Variants in SPEN observed in about 807,000 individuals in gnomAD.
SPEN encodes the protein msx2-interacting protein.
Under a neutral mutation model 269.9 loss-of-function variants are expected in SPEN, and 18 were observed. The ratio of observed to expected loss-of-function variants is 0.07; its 90% CI spans 0.05 to 0.10. The LOEUF (loss-of-function observed/expected upper bound fraction) is 0.10, where lower values mean the gene tolerates loss of function less well. SPEN is among the 10% of genes least tolerant of loss of function. The probability of loss-of-function intolerance (pLI) is 1.00; values close to 1 mark genes in which losing one functional copy is unlikely to be tolerated. For synonymous variants in SPEN, 1,726 were observed against 1,765.7 expected, an observed-to-expected ratio of 0.98 and a Z score of 0.56; for missense variants, 3,822 against 4,631.2, an observed-to-expected ratio of 0.83 and a Z score of 5.07.
chr1:15,870,505 T>C (rs2070562324), intron 1 of SPEN, among the ~76,000 whole-genome samples: 1 of 152,200 alleles, frequency 6.6e-6, no homozygotes, highest in Admixed American at 6.5e-5. Context: ...CTCTAGAAAT[T>C]AACTGGGCAA....
At chr1:15,892,539 A>G (rs1421738284) in intron 3 of SPEN, among the ~76,000 whole-genome samples, 3 of 152,134 alleles carry the variant, frequency 2.0e-5, no homozygotes, top group Non-Finnish European at 4.4e-5. Context: ...TTCTCTTGGA[A>G]ATGATGGGTT....
intron 6 of SPEN, among the ~76,000 whole-genome samples, chr1:15,917,090 T>C (rs1430495730): frequency 6.6e-6 from 1 of 152,160 alleles, no homozygotes; most frequent in Non-Finnish European, 1.5e-5. Context: ...ATCACGCCAC[T>C]GTACTCCAGC....
chr1:15,891,919 CTT>C (rs977637418), intron 3 of SPEN, among the ~76,000 whole-genome samples: 1 of 143,606 alleles, frequency 7.0e-6, no homozygotes, highest in African/African-American at 2.6e-5. Flanking sequence ...AAAAAAAAAA[CTT>C]ATTTATGTTG....
intron 10 of SPEN, among the ~76,000 whole-genome samples, chr1:15,925,687 A>G (rs960743782): frequency 8.6e-5 from 13 of 151,114 alleles, no homozygotes; most frequent in Non-Finnish European, 5.9e-5. Flanking sequence ...AAGTGCTAGG[A>G]TTACAAGCCT....
chr1:15,910,145 A>C (rs1031207464), intron 4 of SPEN, among the ~76,000 whole-genome samples: 8 of 151,280 alleles, frequency 5.3e-5, no homozygotes, highest in East Asian at 1.9e-4. Context: ...AAAAAAAAAA[A>C]AAAAAATTAT....
At chr1:15,888,419 G>A (rs983751532) in intron 3 of SPEN, among the ~76,000 whole-genome samples, 1 of 151,912 alleles carries the variant, frequency 6.6e-6, no homozygotes, top group Non-Finnish European at 1.5e-5. Flanking sequence ...CACCTCCCAG[G>A]TTCAAGTGGT....
chr1:15,888,464 C>T (rs2070756777), intron 3 of SPEN, among the ~76,000 whole-genome samples: 1 of 151,918 alleles, frequency 6.6e-6, no homozygotes, highest in South Asian at 2.1e-4. Context: ...GCTGGGATTA[C>T]AGGCACACGT....
chr1:15,868,320 T>C (rs1411619261), intron 1 of SPEN, among the ~76,000 whole-genome samples: 3 of 151,696 alleles, frequency 2.0e-5, no homozygotes, highest in Non-Finnish European at 2.9e-5. Flanking sequence ...TTTTAGAAAA[T>C]TGGATTGTGC....
Position 15,934,053 on chromosome 1 carries a change from G to A in SPEN, c.7813G>A (p.Ala2605Thr). 1 of 1,611,216 alleles carries A rather than the reference G, an allele frequency of 6.2e-7. No homozygotes were observed. Among genetic ancestry groups the A allele is most frequent in the Non-Finnish European group, 8.5e-7 (1 of 1,177,908 alleles). The change falls in exon 11 of 15, where the codon GCT (alanine) becomes ACT (threonine). Residue 2605 changes from alanine to threonine, a missense_variant. This residue lies in a region of SPEN where 329 missense variants were observed against 431.2 expected (regional missense o/e 0.76). Coordinates refer to ENST00000375759, the MANE Select transcript of SPEN (RefSeq NM_015001.3). This position sits in a 1 kb window ranked among gnomAD's most constrained non-coding sequence, Gnocchi z 9.2. ...ACAAGCCTCGGAGGTGCTGGTAGCT[G>A]CTGACAAGGAAAAGGTGGCTCCAGT... is the stretch of plus-strand genomic sequence containing the variant. ...EIQASEVLVAADKEKVAPVIA... is the reference protein window; with the variant it reads ...EIQASEVLVATDKEKVAPVIA...
intron 5 of SPEN, 88 bp downstream of exon 5, chr1:15,911,389 T>G: frequency 4.0e-6 from 4 of 1,009,092 alleles, no homozygotes; most frequent in Non-Finnish European, 6.2e-6. Flanking sequence ...TGATCCTGAA[T>G]GAGGACACTA....
chr1:15,926,661 C>T (rs1379349130), intron 10 of SPEN, among the ~76,000 whole-genome samples: 1 of 151,004 alleles, frequency 6.6e-6, no homozygotes, highest in Non-Finnish European at 1.5e-5. Context: ...GAAGACAAAG[C>T]CTGTGCCTTT....
chr1:15,926,648 CAAGAAGACA>C (rs1189597397), intron 10 of SPEN, among the ~76,000 whole-genome samples: 2 of 150,686 alleles, frequency 1.3e-5, no homozygotes, highest in Non-Finnish European at 1.5e-5. Flanking sequence ...AAATTTTGGC[CAAGAAGACA>C]AAGCCTGTGC....
intron 3 of SPEN, among the ~76,000 whole-genome samples, chr1:15,894,536 G>GTTTTTTTTTT (rs766111268): frequency 3.0e-4 from 30 of 100,402 alleles, no homozygotes; most frequent in African/African-American, 1.2e-3. Context: ...TATTATGGTT[G>GTTTTTTTTTT]TTTTTTTTTT....
rs190774922 is a variant in SPEN at position 15,919,649 on chromosome 1, A to G, written c.1635+132A>G. ...GCACATTAAAATTATGTTTGCTAAG[A>G]TTTGGTCAATAAGGGCATTTGCATC... On this transcript the variant is annotated intron_variant, in intron 8 of 14. Coordinates refer to ENST00000375759, the MANE Select transcript of SPEN (RefSeq NM_015001.3). The G allele has an allele frequency of 1.9e-3, 1,000 of 539,682 alleles. 13 individuals are homozygous for G. Among genetic ancestry groups the G allele is most frequent in the African/African-American group, 0.018 (919 of 51,854 alleles). 33.4% of individuals were successfully genotyped at this position (539,682 alleles called of 1,614,324 possible).
Position 15,933,047 on chromosome 1 carries a change from A to G in SPEN, c.6807A>G (p.Val2269=), listed in dbSNP as rs1226098162. ...AAGGAATGGAGACAGATGAGGCTGTATCTGGCATCCTGGAAACTGAGGCTG... is the reference window on the plus strand; with the variant it reads ...AAGGAATGGAGACAGATGAGGCTGTGTCTGGCATCCTGGAAACTGAGGCTG... ...SEEGMETDEA[V]SGILETEAAT... is the part of the protein sequence containing the mutation. Residue 2269 remains valine (V), a synonymous_variant, in exon 11 of 15, where the codon GTA becomes GTG. Coordinates refer to ENST00000375759, the MANE Select transcript of SPEN (RefSeq NM_015001.3). The surrounding 1 kb of genome is among the most constrained non-coding windows in gnomAD (Gnocchi z 5.7). The G allele has an allele frequency of 6.2e-6, 10 of 1,614,014 alleles. No individual in the cohort carries two copies. The Admixed American group carries it at 1.0e-4, about 16-fold the overall frequency.
Position 15,931,462 on chromosome 1 carries a change from C to T in SPEN, c.5222C>T (p.Ser1741Leu), listed in dbSNP as rs762412019. 2.5e-5 allele frequency: 40 copies of T among 1,614,076 alleles called. No homozygotes were observed. The highest frequency in any genetic ancestry group is 1.6e-4 in the Middle Eastern group (1 of 6,062). Residue 1741 changes from serine to leucine, a missense_variant, in exon 11 of 15, where the codon TCG becomes TTG. This residue lies in a region of SPEN where 533 missense variants were observed against 618.8 expected (regional missense o/e 0.86). Coordinates refer to ENST00000375759, the MANE Select transcript of SPEN (RefSeq NM_015001.3). This position sits in a 1 kb window ranked among gnomAD's most constrained non-coding sequence, Gnocchi z 4.8. ...GCCAAGCCTCCAACTCCCGGGGCCT[C>T]GTTTTCCCAGGCAGAGAGCAACGTA... ...LDAKPPTPGA[S>L]FSQAESNVDP... is the part of the protein sequence containing the mutation.
chr1:15,928,802 T>C lies in SPEN; in HGVS notation c.2562T>C (p.Cys854=). 6.2e-7 allele frequency: 1 copy of C among 1,613,952 alleles called. No homozygotes were observed. Among genetic ancestry groups the C allele is most frequent in the Non-Finnish European group, 8.5e-7 (1 of 1,180,010 alleles). ...REQSPEKPRS[C]NKLSREKADK... is the part of the protein sequence containing the mutation. ...AAAGCCCTGAAAAGCCCAGGAGTTGTAATAAACTGAGCAGAGAGAAAGCTG... is the reference window on the plus strand; with the variant it reads ...AAAGCCCTGAAAAGCCCAGGAGTTGCAATAAACTGAGCAGAGAGAAAGCTG... Residue 854 remains cysteine (C), a synonymous_variant, in exon 11 of 15, where the codon TGT becomes TGC. Transcript: ENST00000375759. The surrounding 1 kb of genome is among the most constrained non-coding windows in gnomAD (Gnocchi z 5.7).
At chr1:15,888,528 T>C (rs778116632) in intron 3 of SPEN, among the ~76,000 whole-genome samples, 2 of 152,056 alleles carry the variant, frequency 1.3e-5, no homozygotes, top group African/African-American at 2.4e-5. Flanking sequence ...TTCGCCATAT[T>C]GGTCAGGCTG....
Position 15,935,418 on chromosome 1 carries a change from G to T in SPEN, c.9178G>T (p.Ala3060Ser). 6.2e-7 allele frequency: 1 copy of T among 1,614,108 alleles called. No homozygotes were observed. Among genetic ancestry groups the T allele is most frequent in the East Asian group, 2.2e-5 (1 of 44,876 alleles). The change falls in exon 11 of 15, where the codon GCA becomes TCA. Residue 3060 changes from alanine to serine, a missense_variant. Ala to Ser is a moderately conservative substitution (Grantham distance 99, BLOSUM62 1). This residue lies in a region of SPEN where 153 missense variants were observed against 228.5 expected (regional missense o/e 0.67). Transcript: ENST00000375759. The surrounding 1 kb of genome is among the most constrained non-coding windows in gnomAD (Gnocchi z 7.7). ...LSTNATVMLAAGIPVPQFISS... is the reference protein window; with the variant it reads ...LSTNATVMLASGIPVPQFISS... ...CACCAACGCCACAGTCATGCTGGCT[G>T]CAGGCATCCCAGTGCCCCAGTTCAT...
Sources: gnomAD v4.1 joint callset for allele counts (sites outside exome capture counted in the v4.1 genomes callset) on GRCh38, gnomAD v4.1.1 for gene constraint, gnomAD v4.1.1 regional missense constraint, Gnocchi (gnomAD v3.1) non-coding constraint, MANE v1.5 for transcripts, NCBI Gene and HGNC (gene_info 2026-07-23, HGNC 2026-07-21) for gene names.